The following DEPDC5 variants were observed in gnomAD, a reference collection of about 807,000 sequenced individuals.
DEPDC5 encodes the protein DEP domain containing 5, GATOR1 subcomplex subunit.
A neutral mutation model predicts 217.3 loss-of-function variants in DEPDC5; 73 were observed. The ratio of observed to expected loss-of-function variants is 0.34; its 90% CI spans 0.28 to 0.41. DEPDC5 has a LOEUF of 0.41. DEPDC5 is among the 10% of genes least tolerant of loss of function. The pLI, the probability that DEPDC5 is intolerant of heterozygous loss-of-function variation, is 1.00. For synonymous variants in DEPDC5, 733 were observed against 756.7 expected (o/e 0.97, Z 0.51); for missense variants, 1,675 against 2,070.1 (o/e 0.81, Z 3.70).
chr22:31,763,129 T>C (rs754804534), intron 4 of DEPDC5, among the ~76,000 whole-genome samples: 35 of 152,098 alleles, frequency 2.3e-4, no homozygotes, highest in Non-Finnish European at 4.7e-4. Context: ...TAGCTGGGAT[T>C]ACAGGTGCAC....
Position 31,809,644 on chromosome 22 carries a change from A to G in DEPDC5, c.1321A>G (p.Thr441Ala), listed in dbSNP as rs199749859. Residue 441 changes from threonine to alanine, a missense_variant, in exon 19 of 43, where the codon ACA becomes GCA. Physicochemically the swap from Thr to Ala is moderately conservative, Grantham distance 58. Coordinates refer to ENST00000651528, the MANE Select transcript of DEPDC5 (RefSeq NM_001242896.3). ...ASEKAKNGRD[T>A]SLGSPKESEN... ...TGAGAAAGCAAAAAATGGCCGTGAT[A>G]CATGTGAGTATTTTTTGAGATTTTT... The G allele has an allele frequency of 2.8e-4, 457 of 1,614,044 alleles. 1 individual carries two copies. The African/African-American group carries it at 5.1e-3, about 18-fold the overall frequency.
intron 8 of DEPDC5, among the ~76,000 whole-genome samples, chr22:31,782,028 C>G (rs1372695119): frequency 6.6e-6 from 1 of 152,050 alleles, no homozygotes; most frequent in East Asian, 1.9e-4. Flanking sequence ...GAGACCTTGT[C>G]TCTATGAACA....
intron 21 of DEPDC5, chr22:31,815,557 T>A: frequency 3.5e-6 from 2 of 572,186 alleles, no homozygotes. Flanking sequence ...GATTATCATA[T>A]TTTTTTTTGT....
At chr22:31,835,741 G>T (rs968022522) in intron 25 of DEPDC5, among the ~76,000 whole-genome samples, 3 of 152,196 alleles carry the variant, frequency 2.0e-5, no homozygotes, top group African/African-American at 7.2e-5. Flanking sequence ...GGCTATTCGG[G>T]CCTATGTTTT....
chr22:31,843,581 T>A, intron 28 of DEPDC5, 64 bp from the exon 29 acceptor site: 1 of 1,545,058 alleles, frequency 6.5e-7, no homozygotes, highest in Non-Finnish European at 8.8e-7. Flanking sequence ...AGATAGAAAA[T>A]AAGAATTGGC....
At chr22:31,886,261 C>T (rs1174975515) in intron 38 of DEPDC5, among the ~76,000 whole-genome samples, 1 of 152,082 alleles carries the variant, frequency 6.6e-6, no homozygotes, top group Non-Finnish European at 1.5e-5. Context: ...TCGGCTCAAG[C>T]AATCCTCCCA....
At chr22:31,773,735 T>C (rs142136093) in intron 7 of DEPDC5, among the ~76,000 whole-genome samples, 1 of 152,302 alleles carries the variant, frequency 6.6e-6, no homozygotes, top group African/African-American at 2.4e-5. Context: ...GGTCAAATAA[T>C]TTCCCTGCAA....
chr22:31,798,684 G>T lies in DEPDC5; in HGVS notation c.946+28G>T, dbSNP rs747535164. On this transcript the variant is annotated intron_variant, in intron 14 of 42. Coordinates refer to ENST00000651528, the MANE Select transcript of DEPDC5 (RefSeq NM_001242896.3). The stretch of plus-strand genomic sequence containing the variant: ...GAGTAAGGATGCCGGCCATGAGCCA[G>T]CATCTTGCCTACCACATGGCTATGT... 16 of 1,601,636 alleles carry T rather than the reference G, an allele frequency of 1.0e-5. No individual in the cohort carries two copies. In the South Asian group the frequency reaches 1.8e-4, roughly 18 times the overall value.
At chr22:31,759,288 C>T (rs1443578829) in intron 3 of DEPDC5, among the ~76,000 whole-genome samples, 3 of 151,974 alleles carry the variant, frequency 2.0e-5, no homozygotes, top group African/African-American at 7.2e-5. Flanking sequence ...AGGCTTGTCT[C>T]AAGTCATCCA....
At chr22:31,839,880 T>A (rs1004708090) in intron 27 of DEPDC5, among the ~76,000 whole-genome samples, 2 of 152,112 alleles carry the variant, frequency 1.3e-5, no homozygotes, top group Non-Finnish European at 2.9e-5. Flanking sequence ...GGCGTAATCC[T>A]AGCACGTTGG....
chr22:31,837,257 A>C (rs1304617251), intron 26 of DEPDC5, 102 bp downstream of exon 26: 1 of 1,265,768 alleles, frequency 7.9e-7, no homozygotes, highest in East Asian at 2.4e-5. Flanking sequence ...TCAGCAACAC[A>C]TATATTAAAA....
In DEPDC5 at chr22:31,761,667, A is replaced by G. The variant is rs976132557; in HGVS notation, c.193+965A>G. On this transcript the variant is annotated intron_variant, in intron 4 of 42. Coordinates refer to ENST00000651528, the MANE Select transcript of DEPDC5 (RefSeq NM_001242896.3). Reference sequence around the variant, plus strand: ...AACAGAGCAAGACCCTATCTCAAAAAAAAAAAAAAAAAAAAATAGGCCAGG... The same window carrying G: ...AACAGAGCAAGACCCTATCTCAAAAGAAAAAAAAAAAAAAAATAGGCCAGG... Among the ~76,000 whole-genome samples the G allele has an allele frequency of 9.3e-5, 14 of 150,924 alleles. No individual in the cohort carries two copies. The South Asian group carries it at 1.1e-3, about 11-fold the overall frequency.
At chr22:31,810,439 T>A in intron 19 of DEPDC5, 82 bp from the exon 20 acceptor site, 1 of 1,587,088 alleles carries the variant, frequency 6.3e-7, no homozygotes, top group East Asian at 2.2e-5. Context: ...TGGATGACAA[T>A]TTATATTATT....
At chr22:31,769,408 C>T (rs984182845) in intron 7 of DEPDC5, 1 of 151,748 alleles carries the variant, frequency 6.6e-6, no homozygotes, top group Admixed American at 6.6e-5. Context: ...GAGATAGAGA[C>T]TCGTAATTTT....
chr22:31,787,812 T>C (rs2085164460), intron 10 of DEPDC5, among the ~76,000 whole-genome samples: 1 of 147,600 alleles, frequency 6.8e-6, no homozygotes, highest in Non-Finnish European at 1.5e-5. Context: ...ACCCTGTCTC[T>C]TTAAAAAAAA....
chr22:31,788,965 T>C (rs976191224), intron 10 of DEPDC5, among the ~76,000 whole-genome samples: 1 of 152,168 alleles, frequency 6.6e-6, no homozygotes, highest in African/African-American at 2.4e-5. Context: ...ATCTCGAACA[T>C]GGCTCACTGC....
At chr22:31,826,602 G>T (rs970859124) in intron 24 of DEPDC5, 9 of 340,002 alleles carry the variant, frequency 2.6e-5, no homozygotes, top group Non-Finnish European at 5.2e-5. Flanking sequence ...CTGCCCCGGT[G>T]GTTCCCCCTC....
chr22:31,801,832 G>T (rs1601962100), intron 14 of DEPDC5, among the ~76,000 whole-genome samples: 1 of 152,004 alleles, frequency 6.6e-6, no homozygotes, highest in Non-Finnish European at 1.5e-5. Flanking sequence ...AGGTGCTCAG[G>T]GAATTCTAGA....
intron 26 of DEPDC5, 27 bp downstream of exon 26, chr22:31,837,182 G>T: frequency 6.2e-7 from 1 of 1,612,772 alleles, no homozygotes; most frequent in Non-Finnish European, 8.5e-7. Flanking sequence ...AAGGCACTTG[G>T]CTTGGTTGGT....
Sources: allele counts gnomAD v4.1 joint callset (sites outside exome capture counted in the v4.1 genomes callset), GRCh38; gene constraint gnomAD v4.1.1; transcripts MANE v1.5; gene names NCBI Gene and HGNC (gene_info 2026-07-23, HGNC 2026-07-21).